RPSA2: variants seen among roughly 807,000 people sequenced by gnomAD.
The protein encoded by RPSA2 is ribosomal protein SA 2, also known as small ribosomal subunit protein uS2B.
chr19:23,844,143 T>C, the RPSA2 span, among the ~76,000 whole-genome samples: 1 of 152,316 alleles, frequency 6.6e-6, no homozygotes, highest in East Asian at 1.9e-4. Context: ...TGCCTGTTTG[T>C]GGGGGCTATT....
the RPSA2 span, among the ~76,000 whole-genome samples, chr19:23,864,886 C>T: frequency 6.6e-6 from 1 of 152,032 alleles, no homozygotes; most frequent in Admixed American, 6.6e-5. Flanking sequence ...TGACAACCAC[C>T]CTCTTCTCCC....
At chr19:23,846,443 T>C in the RPSA2 span, among the ~76,000 whole-genome samples, 2 of 152,190 alleles carry the variant, frequency 1.3e-5, no homozygotes, top group Non-Finnish European at 2.9e-5. Flanking sequence ...TTTATTTCTC[T>C]CTTTGTTTTA....
chr19:23,760,754 T>C, the RPSA2 span, among the ~76,000 whole-genome samples: 4 of 150,444 alleles, frequency 2.7e-5, no homozygotes, highest in Non-Finnish European at 3.0e-5. Context: ...AACCTCTGCC[T>C]CCCAGGTTCA....
chr19:23,829,563 A>C, the RPSA2 span, among the ~76,000 whole-genome samples: 1 of 152,182 alleles, frequency 6.6e-6, no homozygotes, highest in East Asian at 1.9e-4. Flanking sequence ...GGCCTCCCAA[A>C]GTGCTGGAAT....
chr19:23,781,101 A>G, the RPSA2 span, among the ~76,000 whole-genome samples: 1 of 152,130 alleles, frequency 6.6e-6, no homozygotes, highest in South Asian at 2.1e-4. Flanking sequence ...CAGCCTTCAG[A>G]GTAGCTGGGA....
chr19:23,765,027 G>C, the RPSA2 span, among the ~76,000 whole-genome samples: 8 of 152,168 alleles, frequency 5.3e-5, no homozygotes, highest in Non-Finnish European at 1.2e-4. Context: ...CCCCTGAGTC[G>C]TCTCTTAGAG....
chr19:23,779,565 C>G, the RPSA2 span, among the ~76,000 whole-genome samples: 1 of 152,212 alleles, frequency 6.6e-6, no homozygotes, highest in Non-Finnish European at 1.5e-5. Context: ...TGACTCCTCC[C>G]TGAACCCTGT....
At chr19:23,833,406 A>G in the RPSA2 span, 22 of 170,262 alleles carry the variant, frequency 1.3e-4, no homozygotes, top group East Asian at 3.9e-3. Context: ...AGATGTGCCA[A>G]TGCTTTTGAC....
the RPSA2 span, chr19:23,809,650 C>T: frequency 2.0e-5 from 3 of 151,074 alleles, no homozygotes; most frequent in Non-Finnish European, 2.9e-5. Context: ...TTTATCAGAC[C>T]GTTTGTTTTA....
At chr19:23,772,454 T>C in the RPSA2 span, among the ~76,000 whole-genome samples, 1 of 152,200 alleles carries the variant, frequency 6.6e-6, no homozygotes, top group Non-Finnish European at 1.5e-5. Flanking sequence ...ATAGTCAGCT[T>C]ATAAGTGCGA....
At chr19:23,777,959 TA>T in the RPSA2 span, among the ~76,000 whole-genome samples, 1 of 152,206 alleles carries the variant, frequency 6.6e-6, no homozygotes, top group African/African-American at 2.4e-5. Flanking sequence ...TAGGGGATAA[TA>T]ATACATATTG....
the RPSA2 span, among the ~76,000 whole-genome samples, chr19:23,792,171 C>T: frequency 6.6e-6 from 1 of 152,164 alleles, no homozygotes; most frequent in Non-Finnish European, 1.5e-5. Flanking sequence ...AGTAATATTG[C>T]TGAATTTTTC....
At chr19:23,813,320 G>T in the RPSA2 span, among the ~76,000 whole-genome samples, 17 of 149,836 alleles carry the variant, frequency 1.1e-4, no homozygotes, top group African/African-American at 4.2e-4. Context: ...TTTATATCTT[G>T]TAAAACTAAG....
the RPSA2 span, among the ~76,000 whole-genome samples, chr19:23,826,037 A>AAAAAC: frequency 3.3e-5 from 5 of 151,360 alleles, 1 homozygote; most frequent in South Asian, 1.0e-3. Flanking sequence ...TTGTCAAAAA[A>AAAAAC]AAACAAAATT....
chr19:23,764,696 T>C, the RPSA2 span, among the ~76,000 whole-genome samples: 37 of 151,874 alleles, frequency 2.4e-4, no homozygotes, highest in Non-Finnish European at 3.1e-4. Flanking sequence ...GCCAGGCTGG[T>C]CTTGAACTCC....
the RPSA2 span, among the ~76,000 whole-genome samples, chr19:23,802,928 A>T: frequency 6.6e-6 from 1 of 152,168 alleles, no homozygotes; most frequent in South Asian, 2.1e-4. Context: ...TATAAACAAG[A>T]GTTATTATTT....
the RPSA2 span, among the ~76,000 whole-genome samples, chr19:23,825,870 T>C: frequency 6.6e-6 from 1 of 152,188 alleles, no homozygotes; most frequent in African/African-American, 2.4e-5. Flanking sequence ...ATTACAGGTG[T>C]GAGCCACCAT....
chr19:23,846,656 T>A, the RPSA2 span, among the ~76,000 whole-genome samples: 2 of 152,212 alleles, frequency 1.3e-5, no homozygotes, highest in Non-Finnish European at 2.9e-5. Context: ...TTGGCTGGCA[T>A]TTTTCTTTCA....
chr19:23,827,497 C>G, the RPSA2 span: 1 of 1,595,922 alleles, frequency 6.3e-7, no homozygotes, highest in South Asian at 1.1e-5. Flanking sequence ...CTAACCAGAT[C>G]CAGGCAGCCT....
Sources: allele counts gnomAD v4.1 joint callset (sites outside exome capture counted in the v4.1 genomes callset), GRCh38; gene constraint gnomAD v4.1.1; transcripts MANE v1.5; gene names NCBI Gene and HGNC (gene_info 2026-07-23, HGNC 2026-07-21).